The following PTPRM variants were observed in gnomAD, a reference collection of about 807,000 sequenced individuals.
PTPRM encodes the protein receptor-type tyrosine-protein phosphatase mu.
A neutral mutation model predicts 186.7 loss-of-function variants in PTPRM; 47 were observed. The ratio of observed to expected loss-of-function variants is 0.25; its 90% CI spans 0.20 to 0.32. PTPRM has a LOEUF of 0.32. PTPRM is among the 10% of genes least tolerant of loss of function. PTPRM has a pLI of 1.00. For synonymous variants in PTPRM, 668 were observed against 674.9 expected (o/e 0.99, Z 0.16); for missense variants, 1,494 against 1,865.0 (o/e 0.80, Z 3.66).
chr18:8,221,430 A>T (rs961327626), intron 14 of PTPRM, among the ~76,000 whole-genome samples: 1 of 152,244 alleles, frequency 6.6e-6, no homozygotes, highest in Admixed American at 6.5e-5. Context: ...ATGTTAGACA[A>T]ATTAAATTTA....
At chr18:8,125,976 CATATATATATATATATATATATAT>C (rs1178603481) in intron 13 of PTPRM, among the ~76,000 whole-genome samples, 1,282 of 59,744 alleles carry the variant, frequency 0.021, 115 homozygotes, top group Non-Finnish European at 0.028. Context: ...TGTGTGTATA[CATATATATATATATATATATATAT>C]ATATATATAT....
intron 2 of PTPRM, among the ~76,000 whole-genome samples, chr18:7,840,752 TG>T (rs2046282507): frequency 6.6e-6 from 1 of 152,222 alleles, no homozygotes; most frequent in Non-Finnish European, 1.5e-5. Context: ...TGGAAACATA[TG>T]GTACAACAGT....
intron 11 of PTPRM, among the ~76,000 whole-genome samples, chr18:8,091,083 T>G (rs768148986): frequency 2.0e-5 from 3 of 152,168 alleles, no homozygotes; most frequent in Non-Finnish European, 4.4e-5. Context: ...TTCGGAGACT[T>G]TGGGACCTTA....
intron 1 of PTPRM, among the ~76,000 whole-genome samples, chr18:7,693,620 A>C (rs1568033608): frequency 6.6e-6 from 1 of 152,176 alleles, no homozygotes; most frequent in Non-Finnish European, 1.5e-5. Context: ...TACAAGTCCC[A>C]CTTAGGTTCT....
At chr18:7,709,207 T>TTA (rs2040160047) in intron 1 of PTPRM, among the ~76,000 whole-genome samples, 1 of 152,112 alleles carries the variant, frequency 6.6e-6, no homozygotes, top group Admixed American at 6.5e-5. Context: ...ATCATATCAA[T>TTA]TATCTTCTCA....
rs193108440 is a variant in PTPRM at position 8,030,296 on chromosome 18, A to G, written c.1133-39390A>G. On this transcript the variant is annotated intron_variant, in intron 7 of 32. Transcript: ENST00000580170. ...TCCCAGCAGCACTGAACATAGTTTG[A>G]GGTCTTAAGCTGGGTAACAAGTAAT... 2.9e-3 allele frequency among the ~76,000 whole-genome samples: 439 copies of G among 152,326 alleles called. 12 individuals carry two copies. The highest frequency in any genetic ancestry group is 0.025 in the Admixed American group (383 of 15,302).
chr18:7,833,743 AAACAACAACAACAACAAC>A (rs150303636), intron 2 of PTPRM, among the ~76,000 whole-genome samples: 156 of 149,736 alleles, frequency 1.0e-3, no homozygotes, highest in African/African-American at 3.2e-3. Flanking sequence ...TCAGAAAGAA[AAACAACAACAACAACAAC>A]AACAACAACA....
intron 3 of PTPRM, among the ~76,000 whole-genome samples, chr18:7,890,435 G>C (rs1055475505): frequency 1.3e-5 from 2 of 151,944 alleles, no homozygotes; most frequent in African/African-American, 4.8e-5. Flanking sequence ...TAAATGGGCT[G>C]TAAATTTCTT....
At chr18:8,260,906 C>G (rs1295254963) in intron 19 of PTPRM, among the ~76,000 whole-genome samples, 1 of 152,228 alleles carries the variant, frequency 6.6e-6, no homozygotes. Flanking sequence ...GAATTGCACA[C>G]ACTTCTAGAC....
chr18:8,091,498 T>A (rs1371764242), intron 11 of PTPRM, among the ~76,000 whole-genome samples: 1 of 152,184 alleles, frequency 6.6e-6, no homozygotes, highest in Non-Finnish European at 1.5e-5. Context: ...AGACATCATC[T>A]TTATTGGAAG....
At chr18:8,376,354 G>T (rs2095694881) in intron 25 of PTPRM, 108 bp from the exon 26 acceptor site, 1 of 1,565,026 alleles carries the variant, frequency 6.4e-7, no homozygotes, top group Admixed American at 1.7e-5. Flanking sequence ...TACCTTTTAA[G>T]AGGTTTAATT....
chr18:7,929,728 C>T (rs1180385193), intron 5 of PTPRM, among the ~76,000 whole-genome samples: 1 of 152,164 alleles, frequency 6.6e-6, no homozygotes, highest in Non-Finnish European at 1.5e-5. Flanking sequence ...TGAAGGTTTT[C>T]AGCAGATGCT....
intron 1 of PTPRM, among the ~76,000 whole-genome samples, chr18:7,595,458 A>C (rs573907350): frequency 1.1e-4 from 17 of 152,302 alleles, no homozygotes; most frequent in African/African-American, 4.1e-4. Context: ...AATGTCTGTC[A>C]AACAGTGATT....
At position 7,921,389 on chromosome 18, in the gene PTPRM, T is replaced by C. The variant is rs905059204; in HGVS notation, c.548-5179T>C. Reference sequence around the variant, plus strand: ...TTAAGAGCCTCTAATGAATTTTTTTTTTTTTTTTTGAGACAGAGTCTTGCT... The same window carrying C: ...TTAAGAGCCTCTAATGAATTTTTTTCTTTTTTTTTGAGACAGAGTCTTGCT... On this transcript the variant is annotated intron_variant, in intron 4 of 32. Coordinates refer to ENST00000580170, the MANE Select transcript of PTPRM (RefSeq NM_001105244.2). 7.3e-5 allele frequency among the ~76,000 whole-genome samples: 11 copies of C among 151,356 alleles called. No homozygotes were observed. The South Asian group carries it at 2.1e-3, about 29-fold the overall frequency.
At chr18:7,929,737 C>T (rs1476390793) in intron 5 of PTPRM, among the ~76,000 whole-genome samples, 2 of 152,122 alleles carry the variant, frequency 1.3e-5, no homozygotes, top group Non-Finnish European at 2.9e-5. Context: ...TCAGCAGATG[C>T]TGGTTTTGCA....
At chr18:8,000,309 G>A (rs961175537) in intron 7 of PTPRM, among the ~76,000 whole-genome samples, 2 of 152,150 alleles carry the variant, frequency 1.3e-5, no homozygotes, top group Non-Finnish European at 2.9e-5. Context: ...CTTTATTTAG[G>A]CAAAAGTCCA....
intron 2 of PTPRM, among the ~76,000 whole-genome samples, chr18:7,811,661 A>G (rs2044525832): frequency 6.6e-6 from 1 of 152,128 alleles, no homozygotes; most frequent in Non-Finnish European, 1.5e-5. Flanking sequence ...TACTGTGCCC[A>G]GCTGAAGACT....
intron 7 of PTPRM, among the ~76,000 whole-genome samples, chr18:7,996,443 C>T (rs762172865): frequency 2.6e-5 from 4 of 151,970 alleles, no homozygotes; most frequent in Non-Finnish European, 4.4e-5. Flanking sequence ...TCATACCAAA[C>T]AGAATAATTT....
intron 23 of PTPRM, among the ~76,000 whole-genome samples, chr18:8,354,049 T>C (rs1444000600): frequency 6.6e-6 from 1 of 151,924 alleles, no homozygotes; most frequent in Admixed American, 6.6e-5. Flanking sequence ...CCATCTCTAC[T>C]AAAACCACAA....
Sources: gnomAD v4.1 joint callset for allele counts (sites outside exome capture counted in the v4.1 genomes callset) on GRCh38, gnomAD v4.1.1 for gene constraint, MANE v1.5 for transcripts, NCBI Gene and HGNC (gene_info 2026-07-23, HGNC 2026-07-21) for gene names.